Variants in DTNBP1 observed in about 807,000 individuals in gnomAD.
DTNBP1 encodes the protein dysbindin.
In DTNBP1, 35 loss-of-function variants were observed where a neutral mutation model predicts 42.8. The ratio of observed to expected loss-of-function variants is 0.82; its 90% confidence interval spans 0.63 to 1.09. DTNBP1 has a LOEUF of 1.09. Ranked by LOEUF, DTNBP1 falls within the 50% of genes least tolerant of loss-of-function variation. The probability of loss-of-function intolerance (pLI) is 0.00; values close to 1 mark genes in which losing one functional copy is unlikely to be tolerated. For synonymous variants in DTNBP1, 171 were observed against 162.2 expected (o/e 1.05, Z -0.41); for missense variants, 457 against 424.2 (o/e 1.08, Z -0.68).
intron 7 of DTNBP1, 134 bp from the exon 8 acceptor site, chr6:15,533,529 C>A (rs1167051755): frequency 2.7e-5 from 39 of 1,439,232 alleles, no homozygotes; most frequent in Middle Eastern, 3.5e-4. Context: ...GGTGCCCCGA[C>A]TGCGTGTACA....
chr6:15,553,520 T>C (rs887568525), intron 7 of DTNBP1, among the ~76,000 whole-genome samples: 9 of 150,294 alleles, frequency 6.0e-5, no homozygotes, highest in Non-Finnish European at 7.4e-5. Context: ...TTTATCTATC[T>C]TTCCTCACAT....
chr6:15,538,705 G>A (rs895881264), intron 7 of DTNBP1, among the ~76,000 whole-genome samples: 4 of 152,154 alleles, frequency 2.6e-5, no homozygotes, highest in Non-Finnish European at 2.9e-5. Context: ...CTTACCTTAC[G>A]TAAATATTTC....
chr6:15,577,005 T>C (rs920525491), intron 7 of DTNBP1, among the ~76,000 whole-genome samples: 1 of 151,970 alleles, frequency 6.6e-6, no homozygotes, highest in African/African-American at 2.4e-5. Context: ...AAAAAGAGGA[T>C]CCAGGTCACA....
At chr6:15,624,326 C>A (rs1275700900) in intron 5 of DTNBP1, among the ~76,000 whole-genome samples, 1 of 152,138 alleles carries the variant, frequency 6.6e-6, no homozygotes, top group East Asian at 1.9e-4. Flanking sequence ...TCCCAGCATA[C>A]CCTTATTACT....
chr6:15,591,998 T>C (rs1776319293), intron 7 of DTNBP1, among the ~76,000 whole-genome samples: 1 of 152,216 alleles, frequency 6.6e-6, no homozygotes, highest in South Asian at 2.1e-4. Flanking sequence ...TCATTTAACA[T>C]TACCTTCAAC....
intron 7 of DTNBP1, among the ~76,000 whole-genome samples, chr6:15,536,726 C>A (rs1773251057): frequency 6.6e-6 from 1 of 152,200 alleles, no homozygotes; most frequent in East Asian, 1.9e-4. Context: ...TGGGGCACTG[C>A]CTAGTGGAGC....
At chr6:15,581,155 A>G (rs1375700951) in intron 7 of DTNBP1, among the ~76,000 whole-genome samples, 1 of 152,182 alleles carries the variant, frequency 6.6e-6, no homozygotes, top group Non-Finnish European at 1.5e-5. Context: ...AAAGAAGTAG[A>G]AAAGGGGAGA....
At chr6:15,609,203 G>A (rs1173461380) in intron 6 of DTNBP1, among the ~76,000 whole-genome samples, 1 of 150,500 alleles carries the variant, frequency 6.6e-6, no homozygotes, top group African/African-American at 2.4e-5. Flanking sequence ...GTTATAGGGT[G>A]CATGTGCTTC....
chr6:15,618,320 C>T (rs1028215143), intron 5 of DTNBP1, among the ~76,000 whole-genome samples: 3 of 151,798 alleles, frequency 2.0e-5, no homozygotes, highest in African/African-American at 7.3e-5. Flanking sequence ...ATCATCTCAC[C>T]CTCGTTAGAA....
intron 7 of DTNBP1, chr6:15,533,596 G>T (rs1169990837): frequency 2.4e-6 from 2 of 842,572 alleles, no homozygotes; most frequent in Non-Finnish European, 3.9e-6. Context: ...GGGCGGTCAG[G>T]GTCAGGCCCT....
At chr6:15,652,031 C>T (rs1761028439) in intron 2 of DTNBP1, 56 bp downstream of exon 2, 2 of 1,500,778 alleles carry the variant, frequency 1.3e-6, no homozygotes, top group Admixed American at 1.7e-5. Flanking sequence ...GTGAATACAC[C>T]AAAAGTTGTA....
chr6:15,618,814 T>C (rs1758869151), intron 5 of DTNBP1, among the ~76,000 whole-genome samples: 1 of 152,168 alleles, frequency 6.6e-6, no homozygotes, highest in African/African-American at 2.4e-5. Flanking sequence ...AGCCGAGATA[T>C]GAATTCAACC....
At chr6:15,609,760 C>CT (rs1386663001) in intron 6 of DTNBP1, among the ~76,000 whole-genome samples, 4 of 152,188 alleles carry the variant, frequency 2.6e-5, no homozygotes, top group Non-Finnish European at 5.9e-5. Context: ...CCTCAGCTGT[C>CT]TATTTGTATT....
At chr6:15,646,149 C>A (rs1211191765) in intron 3 of DTNBP1, among the ~76,000 whole-genome samples, 1 of 151,386 alleles carries the variant, frequency 6.6e-6, no homozygotes, top group African/African-American at 2.4e-5. Flanking sequence ...ATTTGAGAAA[C>A]TAAAAAATAA....
At chr6:15,643,285 G>C (rs1011523676) in intron 3 of DTNBP1, among the ~76,000 whole-genome samples, 1 of 152,114 alleles carries the variant, frequency 6.6e-6, no homozygotes, top group African/African-American at 2.4e-5. Context: ...AAGCCTTCAA[G>C]AAATATGGGA....
At chr6:15,534,209 T>C (rs1214578295) in intron 7 of DTNBP1, among the ~76,000 whole-genome samples, 3 of 152,078 alleles carry the variant, frequency 2.0e-5, no homozygotes, top group Non-Finnish European at 2.9e-5. Context: ...GGGTACAGAT[T>C]TTCAGTTTTA....
At chr6:15,662,703 C>G in intron 1 of DTNBP1, 111 bp downstream of exon 1, 2 of 1,431,050 alleles carry the variant, frequency 1.4e-6, no homozygotes, top group Non-Finnish European at 9.6e-7. Context: ...CGGGGAGGTG[C>G]GGGACAGGAC....
chr6:15,663,012 C>G lies in DTNBP1; in HGVS notation c.-143G>C, dbSNP rs1195854361. ...GCCCCGCCCCCGGTCTGGTCCTCGC[C>G]GCCGCGCCGCAACCCCAGCCCCTTC... On this transcript the variant is annotated 5_prime_UTR_variant, in exon 1 of 10. Transcript: ENST00000344537. 2 of 1,210,322 alleles carry G rather than the reference C, an allele frequency of 1.7e-6. No homozygotes were observed. The highest frequency in any genetic ancestry group is 1.4e-5 in the South Asian group (1 of 73,290). The allele number at this position is 1,210,322 out of a possible 1,614,324, so 75.0% of individuals were successfully genotyped here. A position where few individuals can be genotyped will look rare whatever the true frequency, so the allele number is the denominator to read the frequency against.
intron 3 of DTNBP1, among the ~76,000 whole-genome samples, chr6:15,649,943 AACAAT>A (rs1456329440): frequency 6.6e-6 from 1 of 152,214 alleles, no homozygotes; most frequent in African/African-American, 2.4e-5. Context: ...GTAAATAGTA[AACAAT>A]ACATTACTGA....
Sources: gnomAD v4.1 joint callset for allele counts (sites outside exome capture counted in the v4.1 genomes callset) on GRCh38, gnomAD v4.1.1 for gene constraint, MANE v1.5 for transcripts, NCBI Gene and HGNC (gene_info 2026-07-23, HGNC 2026-07-21) for gene names.